Variants in PRKG1 observed in about 807,000 individuals in gnomAD.
PRKG1 encodes the protein cGMP-dependent protein kinase 1.
PRKG1 carries 35 observed loss-of-function variants against 88.1 expected under a neutral mutation model. The ratio of observed to expected loss-of-function variants is 0.40; its 90% confidence interval spans 0.30 to 0.53. PRKG1 has a LOEUF of 0.53. PRKG1 is among the 20% of genes least tolerant of loss of function. PRKG1 has a pLI of 0.59. For missense variants in PRKG1, 540 were observed against 839.8 expected (o/e 0.64, Z 4.41); for synonymous variants, 303 against 292.5 (o/e 1.04, Z -0.37).
At chr10:51,160,875 C>CGTGTGTGTGTGTGTGT in intron 2 of PRKG1, among the ~76,000 whole-genome samples, 1 of 150,074 alleles carries the variant, frequency 6.7e-6, no homozygotes, top group African/African-American at 2.4e-5. Context: ...TCTTCATGCT[C>CGTGTGTGTGTGTGTGT]GTGTGTGTGT....
chr10:52,222,585 C>T (rs1840274562), intron 9 of PRKG1, among the ~76,000 whole-genome samples: 1 of 152,146 alleles, frequency 6.6e-6, no homozygotes, highest in African/African-American at 2.4e-5. Context: ...TGGTTTAGCA[C>T]AGGTTTCAGA....
At chr10:51,937,314 C>A (rs1442684667) in intron 5 of PRKG1, among the ~76,000 whole-genome samples, 1 of 151,876 alleles carries the variant, frequency 6.6e-6, no homozygotes, top group Non-Finnish European at 1.5e-5. Context: ...TTAAATAAAC[C>A]GATTAAATAA....
intron 3 of PRKG1, among the ~76,000 whole-genome samples, chr10:51,791,866 G>A (rs895839798): frequency 5.9e-5 from 9 of 152,094 alleles, no homozygotes; most frequent in Non-Finnish European, 1.0e-4. Flanking sequence ...AGACCTGATG[G>A]CAGGAAAAGG....
chr10:51,791,349 G>T lies in PRKG1; in HGVS notation c.593-13236G>T, dbSNP rs911664420. 2.0e-5 allele frequency among the ~76,000 whole-genome samples: 3 copies of T among 152,152 alleles called. No homozygotes were observed. The South Asian group carries it at 6.2e-4, about 32-fold the overall frequency. On this transcript the variant is annotated intron_variant, in intron 3 of 17. Transcript: ENST00000373980. Reference sequence around the variant, plus strand: ...TCTCAAAAATGCCTATAAAATGTTTGCAATAAATCTCTTAACTCTTGACTT... The same window carrying T: ...TCTCAAAAATGCCTATAAAATGTTTTCAATAAATCTCTTAACTCTTGACTT...
At chr10:52,286,068 T>C (rs1842110460) in intron 14 of PRKG1, among the ~76,000 whole-genome samples, 1 of 152,068 alleles carries the variant, frequency 6.6e-6, no homozygotes, top group Non-Finnish European at 1.5e-5. Context: ...GTATATCCTT[T>C]TGATCTGCAG....
intron 5 of PRKG1, among the ~76,000 whole-genome samples, chr10:51,955,307 G>T (rs770074524): frequency 1.1e-4 from 16 of 152,010 alleles, no homozygotes; most frequent in Non-Finnish European, 2.9e-5. Context: ...TAAGGTTAAG[G>T]TACTATAGGT....
intron 7 of PRKG1, among the ~76,000 whole-genome samples, chr10:52,076,613 T>A (rs1317631211): frequency 6.6e-6 from 1 of 152,190 alleles, no homozygotes; most frequent in Non-Finnish European, 1.5e-5. Flanking sequence ...TTTCTGTTTT[T>A]TGACAAACAC....
intron 5 of PRKG1, among the ~76,000 whole-genome samples, chr10:52,023,827 G>T (rs1265292510): frequency 6.6e-6 from 1 of 152,044 alleles, no homozygotes; most frequent in Non-Finnish European, 1.5e-5. Flanking sequence ...TTGTTAGATG[G>T]ATAGATTGCA....
intron 9 of PRKG1, among the ~76,000 whole-genome samples, chr10:52,168,721 C>T (rs1056803623): frequency 6.7e-6 from 1 of 150,176 alleles, no homozygotes; most frequent in Non-Finnish European, 1.5e-5. Context: ...AAAAAAAAAG[C>T]ATTTGAGAGA....
At chr10:51,481,873 A>G (rs1274067973) in intron 3 of PRKG1, among the ~76,000 whole-genome samples, 1 of 152,136 alleles carries the variant, frequency 6.6e-6, no homozygotes. Context: ...CAGAACGTCA[A>G]GCTCATTTGA....
At chr10:52,027,048 G>A (rs551166254) in intron 5 of PRKG1, among the ~76,000 whole-genome samples, 2 of 152,210 alleles carry the variant, frequency 1.3e-5, no homozygotes, top group African/African-American at 4.8e-5. Flanking sequence ...TTTTGTGACT[G>A]TGTCTGCCCA....
At chr10:52,052,817 T>A (rs961535511) in intron 5 of PRKG1, among the ~76,000 whole-genome samples, 3 of 151,930 alleles carry the variant, frequency 2.0e-5, no homozygotes, top group Middle Eastern at 3.2e-3. Context: ...AAGCTACAAT[T>A]TAAGATGAGA....
At chr10:52,126,180 G>C (rs1350819502) in intron 7 of PRKG1, among the ~76,000 whole-genome samples, 1 of 152,052 alleles carries the variant, frequency 6.6e-6, no homozygotes, top group Non-Finnish European at 1.5e-5. Flanking sequence ...GGGAGGTGGT[G>C]GTGGGGCAGG....
At chr10:51,480,550 C>G (rs1270255005) in intron 3 of PRKG1, among the ~76,000 whole-genome samples, 1 of 148,606 alleles carries the variant, frequency 6.7e-6, no homozygotes, top group Non-Finnish European at 1.5e-5. Context: ...GAGATCACTT[C>G]CTTGGCACCT....
chr10:51,639,159 G>T (rs1009434950), intron 3 of PRKG1, among the ~76,000 whole-genome samples: 1 of 151,998 alleles, frequency 6.6e-6, no homozygotes, highest in Non-Finnish European at 1.5e-5. Flanking sequence ...GAGAGGCTGG[G>T]CACGGTGGCT....
chr10:52,248,044 G>T (rs556712238), intron 9 of PRKG1, among the ~76,000 whole-genome samples: 3 of 152,328 alleles, frequency 2.0e-5, no homozygotes, highest in South Asian at 2.1e-4. Flanking sequence ...AAAGAAATAC[G>T]TTGGGCTAGT....
At chr10:52,286,869 A>T (rs1842127984) in intron 14 of PRKG1, among the ~76,000 whole-genome samples, 1 of 151,998 alleles carries the variant, frequency 6.6e-6, no homozygotes, top group Non-Finnish European at 1.5e-5. Flanking sequence ...TTCTAAATTT[A>T]AAAATATGCA....
At chr10:51,105,734 A>G (rs1844818106) in intron 1 of PRKG1, among the ~76,000 whole-genome samples, 1 of 152,162 alleles carries the variant, frequency 6.6e-6, no homozygotes. Flanking sequence ...ATTGATTCTG[A>G]GTCTGATGAC....
At chr10:51,094,945 G>C (rs1844493059) in intron 1 of PRKG1, among the ~76,000 whole-genome samples, 1 of 152,094 alleles carries the variant, frequency 6.6e-6, no homozygotes, top group South Asian at 2.1e-4. Context: ...TAAATAACTT[G>C]ATCAAAGTCA....
Sources: allele counts gnomAD v4.1 joint callset (sites outside exome capture counted in the v4.1 genomes callset), GRCh38; gene constraint gnomAD v4.1.1; transcripts MANE v1.5; gene names NCBI Gene and HGNC (gene_info 2026-07-23, HGNC 2026-07-21).